The following KATNAL2 variants were observed in gnomAD, a reference collection of about 807,000 sequenced individuals.
KATNAL2 encodes the protein katanin p60 ATPase-containing subunit A-like 2.
KATNAL2 carries 52 observed loss-of-function variants against 76.3 expected under a neutral mutation model. The observed-to-expected ratio is 0.68, with a 90% CI of 0.55 to 0.86. The LOEUF (loss-of-function observed/expected upper bound fraction) is 0.86. Among genes scored for constraint, KATNAL2 ranks in the 40% least tolerant of loss-of-function variants. The pLI is 0.00. For synonymous variants in KATNAL2, 243 were observed against 244.2 expected, an observed-to-expected ratio of 1.00 and a Z score of 0.05; for missense variants, 660 against 668.9, an observed-to-expected ratio of 0.99 and a Z score of 0.15.
At chr18:47,037,909 T>G (rs1158386787) in intron 3 of KATNAL2, among the ~76,000 whole-genome samples, 3 of 151,778 alleles carry the variant, frequency 2.0e-5, no homozygotes, top group Non-Finnish European at 4.4e-5. Flanking sequence ...GCTCTCAAAC[T>G]CCTGGGCTCA....
intron 2 of KATNAL2, 71 bp from the exon 3 acceptor site, chr18:46,946,783 G>A (rs1324679474): frequency 6.6e-6 from 9 of 1,359,872 alleles, no homozygotes; most frequent in Non-Finnish European, 9.1e-6. Flanking sequence ...AAAGGGGCGG[G>A]CTGGTTAAGC....
At position 47,089,132 on chromosome 18, in the gene KATNAL2, C is replaced by T. The variant is rs191475053; in HGVS notation, c.1212-10111C>T. Among the ~76,000 whole-genome samples the T allele has an allele frequency of 6.6e-5, 10 of 152,324 alleles. No homozygotes were observed. In the East Asian group the frequency reaches 1.7e-3, roughly 26 times the overall value. On this transcript the variant is annotated intron_variant, in intron 15 of 17. Coordinates refer to ENST00000683218, the MANE Select transcript of KATNAL2 (RefSeq NM_001387690.1). ...CTACATGTTGCCTTTAAAACTCAAA[C>T]CTTTTGTAACCAAGAGACAAACACC...
intron 3 of KATNAL2, chr18:47,035,114 T>C (rs2060705459): frequency 6.2e-7 from 1 of 1,611,366 alleles, no homozygotes; most frequent in African/African-American, 1.3e-5. Context: ...TTCACCGTCT[T>C]TCTGATTCCA....
At chr18:47,081,970 T>C (rs2062545177) in intron 15 of KATNAL2, among the ~76,000 whole-genome samples, 1 of 152,222 alleles carries the variant, frequency 6.6e-6, no homozygotes, top group Admixed American at 6.5e-5. Flanking sequence ...TTAGGATTAA[T>C]ATATTTGATT....
At chr18:47,054,544 C>A in intron 6 of KATNAL2, 106 bp downstream of exon 6, 1 of 1,161,260 alleles carries the variant, frequency 8.6e-7, no homozygotes, top group Non-Finnish European at 1.3e-6. Flanking sequence ...CCCAGCAATA[C>A]TGACTGCAGT....
At chr18:46,951,600 C>G (rs903653493) in intron 3 of KATNAL2, among the ~76,000 whole-genome samples, 6 of 151,664 alleles carry the variant, frequency 4.0e-5, no homozygotes, top group Admixed American at 3.9e-4. Context: ...CTATATCCCT[C>G]TTGTAGTGAA....
At chr18:46,918,702 G>A (rs1175957004) in intron 1 of KATNAL2, among the ~76,000 whole-genome samples, 3 of 152,118 alleles carry the variant, frequency 2.0e-5, no homozygotes. Context: ...GATTACAGGC[G>A]TGAGCCACTG....
chr18:46,952,901 T>C (rs998053154), intron 3 of KATNAL2, among the ~76,000 whole-genome samples: 1 of 142,488 alleles, frequency 7.0e-6, no homozygotes, highest in African/African-American at 2.6e-5. Context: ...TTTTTTTTTT[T>C]TTTTTTTTTT....
Position 47,058,281 on chromosome 18 carries a change from A to G in KATNAL2, c.379A>G (p.Arg127Gly), listed in dbSNP as rs756390924. The G allele has an allele frequency of 1.7e-5, 27 of 1,614,142 alleles. No homozygotes were observed. The East Asian group carries it at 6.0e-4, about 36-fold the overall frequency. ...AAATCTTCCCAAGATCAATCAGCAG[A>G]GGCCCCGGTCCAAAACCACAGCGGG... ...CQNLPKINQQRPRSKTTAGKT... is the reference protein window; with the variant it reads ...CQNLPKINQQGPRSKTTAGKT... The change falls in exon 7 of 18, where the codon AGG becomes GGG. Residue 127 changes from arginine (R) to glycine (G), a missense_variant. Physicochemically the swap from Arg to Gly is moderately radical, Grantham distance 125 (BLOSUM62 -2). Coordinates refer to ENST00000683218, the MANE Select transcript of KATNAL2 (RefSeq NM_001387690.1).
chr18:46,951,072 T>A (rs919279755), intron 3 of KATNAL2, among the ~76,000 whole-genome samples: 2 of 152,176 alleles, frequency 1.3e-5, no homozygotes, highest in African/African-American at 2.4e-5. Context: ...CTTCTACTTC[T>A]CCCTGTCCCT....
Position 47,075,366 on chromosome 18 carries a change from T to C in KATNAL2, c.1098T>C (p.Ser366=), listed in dbSNP as rs774760572. ...TGATGAGTCAGAGAGGCACAGCTTC[T>C]GGGTAACAGACAGGGTTGGGGTTTT... ...ESVMSQRGTA[S]GGEHEGSLRM... Residue 366 remains serine (S), a splice_region_variant and synonymous_variant, in exon 14 of 18, where the codon TCT becomes TCC. Coordinates refer to ENST00000683218, the MANE Select transcript of KATNAL2 (RefSeq NM_001387690.1). 5.2e-6 allele frequency: 8 copies of C among 1,527,190 alleles called. No individual in the cohort carries two copies. The highest frequency in any genetic ancestry group is 2.6e-5 in the East Asian group (1 of 38,924). The allele number at this position is 1,527,190 out of a possible 1,614,324, so 94.6% of individuals were successfully genotyped here.
chr18:46,932,361 A>T (rs2058953150), intron 1 of KATNAL2, among the ~76,000 whole-genome samples: 1 of 152,152 alleles, frequency 6.6e-6, no homozygotes, highest in Non-Finnish European at 1.5e-5. Flanking sequence ...AGAAATGTAC[A>T]CAAACTACTA....
chr18:47,090,898 T>C (rs1480788628), intron 15 of KATNAL2, among the ~76,000 whole-genome samples: 2 of 152,214 alleles, frequency 1.3e-5, no homozygotes. Context: ...AATCATTGGC[T>C]CCCTATTATC....
chr18:47,049,482 C>A (rs139131701), intron 4 of KATNAL2, among the ~76,000 whole-genome samples: 3 of 152,246 alleles, frequency 2.0e-5, no homozygotes, highest in Non-Finnish European at 2.9e-5. Context: ...CCTCAAGGTG[C>A]TTTTCTGAGT....
At chr18:47,096,719 G>A (rs915457436) in intron 15 of KATNAL2, among the ~76,000 whole-genome samples, 3 of 152,150 alleles carry the variant, frequency 2.0e-5, no homozygotes, top group African/African-American at 7.2e-5. Context: ...TCACACTCAA[G>A]ATGATCTATT....
intron 1 of KATNAL2, among the ~76,000 whole-genome samples, chr18:46,927,306 C>A (rs2035761278): frequency 6.6e-6 from 1 of 152,082 alleles, no homozygotes; most frequent in South Asian, 2.1e-4. Flanking sequence ...TCAGCATCTG[C>A]TTGTCTGTAA....
intron 15 of KATNAL2, among the ~76,000 whole-genome samples, chr18:47,087,609 G>C (rs1236478884): frequency 6.6e-6 from 1 of 152,094 alleles, no homozygotes; most frequent in African/African-American, 2.4e-5. Flanking sequence ...TGGGCTTTGT[G>C]CCTGACTGAT....
chr18:47,031,790 T>C (rs541249083), intron 3 of KATNAL2, among the ~76,000 whole-genome samples: 2 of 152,328 alleles, frequency 1.3e-5, no homozygotes, highest in East Asian at 3.9e-4. Flanking sequence ...TTTTGAGTTT[T>C]ATATGGTTAC....
intron 3 of KATNAL2, among the ~76,000 whole-genome samples, chr18:47,032,325 C>T (rs2060505754): frequency 6.6e-6 from 1 of 152,246 alleles, no homozygotes; most frequent in Admixed American, 6.5e-5. Context: ...AGGGTCACTG[C>T]AACCTCTACT....
Sources: allele counts gnomAD v4.1 joint callset (sites outside exome capture counted in the v4.1 genomes callset), GRCh38; gene constraint gnomAD v4.1.1; transcripts MANE v1.5; gene names NCBI Gene and HGNC (gene_info 2026-07-23, HGNC 2026-07-21).